Variants in TRPM1 observed in about 807,000 individuals in gnomAD.
The protein encoded by TRPM1 is transient receptor potential cation channel subfamily M member 1.
TRPM1 carries 113 observed loss-of-function variants against 149.4 expected under a neutral mutation model. That is an observed-to-expected ratio of 0.76 (90% CI 0.65 to 0.88). TRPM1 has a LOEUF of 0.88. TRPM1 is among the 40% of genes least tolerant of loss of function. The pLI is 0.00. For synonymous variants in TRPM1, 741 were observed against 759.5 expected (o/e 0.98, Z 0.40); for missense variants, 1,976 against 2,038.7 (o/e 0.97, Z 0.59).
chr15:31,015,242 A>T (rs917994175), intron 27 of TRPM1, among the ~76,000 whole-genome samples: 2 of 151,188 alleles, frequency 1.3e-5, no homozygotes, highest in Admixed American at 1.3e-4. Context: ...CCCCATCTCT[A>T]CTAAAAAATA....
rs1197425579 is a variant in TRPM1, at chr15:31,050,393, G to A, written c.1437+16C>T. On this transcript the variant is annotated intron_variant, in intron 12 of 27. Transcript: ENST00000256552. The stretch of plus-strand genomic sequence containing the variant: ...GGGTGATGCCAAGCTCGTGATCTCT[G>A]TGACCTTCCACATACCCAGTTCAGC... 1 of 1,614,000 alleles carries A rather than the reference G, an allele frequency of 6.2e-7. No individual in the cohort carries two copies. The highest frequency in any genetic ancestry group is 1.3e-5 in the African/African-American group (1 of 74,922).
Position 31,040,223 on chromosome 15 carries a change from G to C in TRPM1, c.2211C>G (p.Ala737=). The change falls in exon 18 of 28, where the codon GCC becomes GCG. Residue 737 remains alanine, a synonymous_variant. Coordinates refer to ENST00000256552, the MANE Select transcript of TRPM1 (RefSeq NM_001252024.2). This position sits in a 1 kb window ranked among gnomAD's most constrained non-coding sequence, Gnocchi z 4.2. ...TGAAGTCCCGGTGTTTGGCTGCCAC[G>C]GCCAGTTTGAGGCAGGTCGAGTTGC... The part of the protein sequence containing the change: ...NWSNSTCLKL[A]VAAKHRDFIA... 3 of 1,614,226 alleles carry C rather than the reference G, an allele frequency of 1.9e-6. No homozygotes were observed. The highest frequency in any genetic ancestry group is 1.7e-6 in the Non-Finnish European group (2 of 1,180,044).
intron 14 of TRPM1, 52 bp downstream of exon 14, chr15:31,047,837 A>T: frequency 6.9e-7 from 1 of 1,456,062 alleles, no homozygotes; most frequent in African/African-American, 1.4e-5. Flanking sequence ...CTCTTAAGAA[A>T]TGATTTTGTG....
intron 27 of TRPM1, among the ~76,000 whole-genome samples, chr15:31,014,209 G>A (rs797020144): frequency 1.1e-4 from 17 of 152,152 alleles, no homozygotes; most frequent in African/African-American, 3.1e-4. Flanking sequence ...GCTGTCATCC[G>A]TCACCTCAGG....
chr15:31,027,884 C>A (rs1378604023), intron 25 of TRPM1, among the ~76,000 whole-genome samples: 1 of 152,102 alleles, frequency 6.6e-6, no homozygotes, highest in Non-Finnish European at 1.5e-5. Flanking sequence ...ACCCTTTAAG[C>A]CATTTTTTTC....
chr15:31,057,844 A>C (rs893835986), intron 11 of TRPM1, among the ~76,000 whole-genome samples: 1 of 152,194 alleles, frequency 6.6e-6, no homozygotes, highest in African/African-American at 2.4e-5. Flanking sequence ...TTCTCATGAT[A>C]GTGAAAGAGT....
At chr15:31,009,825 T>C (rs935718086) in intron 27 of TRPM1, among the ~76,000 whole-genome samples, 1 of 152,224 alleles carries the variant, frequency 6.6e-6, no homozygotes, top group Non-Finnish European at 1.5e-5. Flanking sequence ...CTATTGAGCC[T>C]ATCCAATGAA....
intron 1 of TRPM1, among the ~76,000 whole-genome samples, chr15:31,149,660 C>T (rs1015335480): frequency 1.3e-5 from 2 of 152,036 alleles, no homozygotes; most frequent in Non-Finnish European, 1.5e-5. Flanking sequence ...GCTGGGACTA[C>T]AAGCACCCGC....
Position 31,066,105 on chromosome 15 carries a change from T to C in TRPM1, c.761A>G (p.Lys254Arg). The C allele has an allele frequency of 1.2e-6, 2 of 1,614,174 alleles. No individual in the cohort carries two copies. The highest frequency in any genetic ancestry group is 1.7e-6 in the Non-Finnish European group (2 of 1,179,992). The part of the protein sequence containing the change: ...AEVKLRRLLE[K>R]HISLQKINTR... ...GTTGATCTTCTGCAGGGAGATGTGC[T>C]TTTCCAGCAGCCTTCGCAGCTTCAC... is the stretch of plus-strand genomic sequence containing the variant. The change falls in exon 7 of 28, where the codon AAG (lysine) becomes AGG (arginine). Residue 254 changes from lysine to arginine, a missense_variant. Lys to Arg is a conservative substitution (Grantham distance 26, BLOSUM62 2). Coordinates refer to ENST00000256552, the MANE Select transcript of TRPM1 (RefSeq NM_001252024.2).
At chr15:31,026,669 A>G (rs1010992987) in intron 26 of TRPM1, among the ~76,000 whole-genome samples, 1 of 152,224 alleles carries the variant, frequency 6.6e-6, no homozygotes, top group Non-Finnish European at 1.5e-5. Context: ...GAGTAGAGTT[A>G]TTTTAGAGAA....
chr15:31,117,908 A>G (rs1567065495), intron 1 of TRPM1, among the ~76,000 whole-genome samples: 1 of 152,230 alleles, frequency 6.6e-6, no homozygotes, highest in Non-Finnish European at 1.5e-5. Flanking sequence ...ACTGGAATGC[A>G]AATTAAAATA....
chr15:31,095,920 C>T (rs111974529), intron 1 of TRPM1, among the ~76,000 whole-genome samples: 6,658 of 151,832 alleles, frequency 0.044, 509 homozygotes, highest in African/African-American at 0.15. Flanking sequence ...GTGGCAGTTG[C>T]CTGTAATCCC....
intron 27 of TRPM1, among the ~76,000 whole-genome samples, chr15:31,009,173 T>C (rs556626557): frequency 1.1e-4 from 17 of 152,196 alleles, no homozygotes; most frequent in South Asian, 1.0e-3. Flanking sequence ...TATGTAATTC[T>C]GGGTTGATCA....
rs763078163 is a variant in TRPM1 at position 31,001,841 on chromosome 15, G to C, written c.4859C>G (p.Ser1620Cys). The change falls in exon 28 of 28, where the codon TCC (serine) becomes TGC (cysteine). Residue 1620 changes from serine to cysteine, a missense_variant. By Grantham distance (112) the Ser-to-Cys change is moderately radical. Coordinates refer to ENST00000256552, the MANE Select transcript of TRPM1 (RefSeq NM_001252024.2). The part of the protein sequence containing the change: ...EEKKVKKEKA[S>C]TETEC ...AACAGACTAGCATTCAGTTTCTGTG[G>C]AAGCTTTCTCTTTCTTAACCTTTTT... is the stretch of plus-strand genomic sequence containing the variant. 1 of 1,610,410 alleles carries C rather than the reference G, an allele frequency of 6.2e-7. No individual in the cohort carries two copies. Among genetic ancestry groups the C allele is most frequent in the Non-Finnish European group, 8.5e-7 (1 of 1,179,446 alleles).
intron 1 of TRPM1, among the ~76,000 whole-genome samples, chr15:31,155,003 G>A (rs899244813): frequency 6.6e-6 from 1 of 152,176 alleles, no homozygotes; most frequent in Admixed American, 6.5e-5. Context: ...TAATCCGTGT[G>A]AATTATTCTT....
chr15:31,034,820 G>A (rs1029879981), intron 21 of TRPM1, among the ~76,000 whole-genome samples: 6 of 152,166 alleles, frequency 3.9e-5, no homozygotes, highest in Admixed American at 6.5e-5. Context: ...CAGGTCGCTG[G>A]CAGCATTTGC....
At chr15:31,124,378 G>A (rs2035917576) in intron 1 of TRPM1, among the ~76,000 whole-genome samples, 1 of 152,158 alleles carries the variant, frequency 6.6e-6, no homozygotes, top group Non-Finnish European at 1.5e-5. Flanking sequence ...CTGAGGCCAG[G>A]CACAGTGGCT....
intron 10 of TRPM1, 150 bp downstream of exon 10, chr15:31,061,292 C>T (rs977693524): frequency 1.3e-6 from 1 of 754,852 alleles, no homozygotes; most frequent in Non-Finnish European, 2.3e-6. Context: ...CCTTGTCATT[C>T]TGCCGTGGCT....
chr15:31,008,874 T>G (rs569628918), intron 27 of TRPM1, among the ~76,000 whole-genome samples: 2 of 152,252 alleles, frequency 1.3e-5, no homozygotes, highest in Non-Finnish European at 2.9e-5. Flanking sequence ...TCATATATTG[T>G]ATCCACATAT....
Sources: gnomAD v4.1 joint callset for allele counts (sites outside exome capture counted in the v4.1 genomes callset) on GRCh38, gnomAD v4.1.1 for gene constraint, Gnocchi (gnomAD v3.1) non-coding constraint, MANE v1.5 for transcripts, NCBI Gene and HGNC (gene_info 2026-07-23, HGNC 2026-07-21) for gene names.